ZFX: variants seen among roughly 807,000 people sequenced by gnomAD.
ZFX encodes zinc finger X-chromosomal protein.
For missense variants in ZFX, 362 were observed against 628.3 expected (o/e 0.58, Z 4.53); for synonymous variants, 196 against 226.8 (o/e 0.86, Z 1.22).
intron 4 of ZFX, among the ~76,000 whole-genome samples, chrX:24,173,318 T>G (rs1240464993): frequency 1.8e-5 from 2 of 110,758 alleles, no homozygotes; most frequent in East Asian, 5.6e-4. Flanking sequence ...AACATGTGGA[T>G]CCTGTCATTT....
chrX:24,192,713 C>T (rs1936618289), intron 5 of ZFX, among the ~76,000 whole-genome samples: 1 of 110,016 alleles, frequency 9.1e-6, no homozygotes, highest in East Asian at 2.8e-4. Flanking sequence ...TCAAACTAGA[C>T]TTGACAACAT....
At chrX:24,185,066 C>T (rs1029453091) in intron 5 of ZFX, among the ~76,000 whole-genome samples, 2 of 112,276 alleles carry the variant, frequency 1.8e-5, no homozygotes, top group African/African-American at 6.5e-5. Context: ...ATCTTTCCAC[C>T]TCAGCCTCCC....
chrX:24,181,727 C>A (rs1376627752), intron 5 of ZFX, among the ~76,000 whole-genome samples: 2 of 110,988 alleles, frequency 1.8e-5, no homozygotes, highest in East Asian at 5.6e-4. Context: ...CCTTAATATT[C>A]CCTTCACCAA....
At chrX:24,183,087 C>T (rs1935810201) in intron 5 of ZFX, among the ~76,000 whole-genome samples, 1 of 112,208 alleles carries the variant, frequency 8.9e-6, no homozygotes, top group Non-Finnish European at 1.9e-5. Flanking sequence ...GGTTGAAAAG[C>T]TTTAGTCTTT....
intron 5 of ZFX, among the ~76,000 whole-genome samples, chrX:24,198,708 T>C (rs1371982432): frequency 2.7e-5 from 3 of 110,981 alleles, no homozygotes; most frequent in Non-Finnish European, 5.7e-5. Context: ...AGGTGAGTAA[T>C]ACAGCATATT....
Position 24,161,457 on chromosome X carries a change from G to T in ZFX, c.-29+8627G>T, listed in dbSNP as rs1299876269. Among the ~76,000 whole-genome samples, 4 of 111,815 alleles carry T rather than the reference G, an allele frequency of 3.6e-5. No individual in the cohort carries two copies. The Admixed American group carries it at 3.8e-4, about 11-fold the overall frequency. On this transcript the variant is annotated intron_variant, in intron 3 of 9. Transcript: ENST00000304543. ...ATGGCAAAGGCAATCTTGAGAAAAA[G>T]TTGGAAGACTTAACACTAACATATA...
intron 5 of ZFX, among the ~76,000 whole-genome samples, chrX:24,182,828 A>G (rs1291240875): frequency 9.0e-6 from 1 of 111,731 alleles, no homozygotes; most frequent in African/African-American, 3.3e-5. Context: ...CTAGTGGAGC[A>G]GGTTCCAGAG....
At chrX:24,209,432 C>T (rs980338430) in intron 9 of ZFX, among the ~76,000 whole-genome samples, 3 of 112,110 alleles carry the variant, frequency 2.7e-5, no homozygotes, top group African/African-American at 9.7e-5. Context: ...CATTCCTATT[C>T]TTGTATGATG....
At chrX:24,174,126 T>C (rs1246860151) in intron 4 of ZFX, among the ~76,000 whole-genome samples, 1 of 109,830 alleles carries the variant, frequency 9.1e-6, no homozygotes, top group East Asian at 2.9e-4. Flanking sequence ...GGCCTGAGAA[T>C]CGGTTGAATC....
In ZFX at chrX:24,165,549, GCA is replaced by G. The variant is rs752903390; in HGVS notation, c.-28-7165_-28-7164del. The stretch of plus-strand genomic sequence containing the variant: ...TAAATGCCCAATTTTGGGAAAGGTA[GCA>G]GGTGCAAGAAAAAGGAAATGTATAA... On this transcript the variant is annotated intron_variant, in intron 3 of 9. Coordinates refer to ENST00000304543, the MANE Select transcript of ZFX (RefSeq NM_003410.4). 2.7e-5 allele frequency among the ~76,000 whole-genome samples: 3 copies of G among 112,927 alleles called. No individual in the cohort carries two copies. The East Asian group carries it at 8.3e-4, about 31-fold the overall frequency.
intron 4 of ZFX, among the ~76,000 whole-genome samples, chrX:24,173,933 A>C (rs911413717): frequency 2.7e-4 from 30 of 110,617 alleles, no homozygotes; most frequent in Non-Finnish European, 7.6e-5. Context: ...ATTTGAGGCC[A>C]GACACGATGG....
At chrX:24,199,326 C>T (rs1398181122) in intron 5 of ZFX, among the ~76,000 whole-genome samples, 1 of 109,592 alleles carries the variant, frequency 9.1e-6, no homozygotes, top group African/African-American at 3.3e-5. Flanking sequence ...ACAATCACAG[C>T]TCACTGCAGC....
chrX:24,176,713 G>A (rs962612596), intron 4 of ZFX, among the ~76,000 whole-genome samples: 9 of 110,348 alleles, frequency 8.2e-5, no homozygotes, highest in East Asian at 2.9e-4. Flanking sequence ...ATTACAAGGC[G>A]TGAGCCACCA....
intron 5 of ZFX, among the ~76,000 whole-genome samples, chrX:24,195,349 G>A (rs1032470436): frequency 4.9e-5 from 5 of 101,518 alleles, no homozygotes; most frequent in African/African-American, 1.9e-4. Flanking sequence ...GCCTGCCACC[G>A]TGCCAATTTT....
At chrX:24,210,054 TA>T in intron 9 of ZFX, 138 bp from the exon 10 acceptor site, 3 of 804,880 alleles carry the variant, frequency 3.7e-6, no homozygotes, top group Non-Finnish European at 5.3e-6. Flanking sequence ...TGAAAAACAG[TA>T]AAAGGAATGT....
rs773885606 is a variant in ZFX at position 24,213,821 on chromosome X, A to AAAAC, written c.*2447_*2450dup. The AAAAC allele has an allele frequency of 3.6e-3, 398 of 110,922 alleles. 1 individual carries two copies. The highest frequency in any genetic ancestry group is 0.012 in the African/African-American group (376 of 30,495). 9.1% of individuals were successfully genotyped at this position (110,922 alleles called of 1,213,427 possible). Reference sequence around the variant, plus strand: ...TTTTTATTTTCCCAGAAATAATGTAAAAACACTTAAATGAAAGTGGAAATG... The same window carrying AAAAC: ...TTTTTATTTTCCCAGAAATAATGTAAAAACAAACACTTAAATGAAAGTGGAAATG... On this transcript the variant is annotated 3_prime_UTR_variant, in exon 10 of 10. Coordinates refer to ENST00000304543, the MANE Select transcript of ZFX (RefSeq NM_003410.4).
intron 5 of ZFX, among the ~76,000 whole-genome samples, chrX:24,201,828 T>C (rs1218272137): frequency 8.9e-6 from 1 of 112,504 alleles, no homozygotes; most frequent in Admixed American, 9.4e-5. Flanking sequence ...CAAAATACTT[T>C]AATTTAGATA....
chrX:24,195,448 G>C (rs1008315606), intron 5 of ZFX, among the ~76,000 whole-genome samples: 1 of 110,032 alleles, frequency 9.1e-6, no homozygotes, highest in Non-Finnish European at 1.9e-5. Flanking sequence ...CGCCTCCCGG[G>C]TTCACGCCAT....
At chrX:24,208,819 G>A (rs929328413) in intron 8 of ZFX, 81 bp from the exon 9 acceptor site, 16 of 1,002,378 alleles carry the variant, frequency 1.6e-5, no homozygotes, top group East Asian at 6.7e-5. Context: ...CTTACTTTTC[G>A]TTGTTGTAGT....
Sources: allele counts gnomAD v4.1 joint callset (sites outside exome capture counted in the v4.1 genomes callset), GRCh38; gene constraint gnomAD v4.1.1; transcripts MANE v1.5; gene names NCBI Gene and HGNC (gene_info 2026-07-23, HGNC 2026-07-21).